RBFOX1: variants seen among roughly 807,000 people sequenced by gnomAD.
The protein encoded by RBFOX1 is RNA binding protein fox-1 homolog 1.
Under a neutral mutation model 57.7 loss-of-function variants are expected in RBFOX1, and 8 were observed. The ratio of observed to expected loss-of-function variants is 0.14; its 90% CI spans 0.08 to 0.25. The LOEUF (loss-of-function observed/expected upper bound fraction) is 0.25, where lower values mean the gene tolerates loss of function less well. Ranked by LOEUF, RBFOX1 falls within the 10% of genes least tolerant of loss-of-function variation. The pLI is 1.00. For synonymous variants in RBFOX1, 326 were observed against 222.4 expected (o/e 1.47, Z -4.15); for missense variants, 611 against 548.5 (o/e 1.11, Z -1.14).
At chr16:5,468,115 C>G (rs1310112379) in intron 2 of RBFOX1, among the ~76,000 whole-genome samples, 1 of 152,170 alleles carries the variant, frequency 6.6e-6, no homozygotes, top group Non-Finnish European at 1.5e-5. Flanking sequence ...CCACCCTTCC[C>G]CAGGTTCCTA....
Position 6,862,366 on chromosome 16 carries a change from A to G in RBFOX1, c.-15-189691A>G, listed in dbSNP as rs1344199854. ...AGGTTCCTGGAAGCACATTTTGAAC[A>G]CCAAGGCCCCAGAGCAGGTTCAATG... is the stretch of plus-strand genomic sequence containing the variant. On this transcript the variant is annotated intron_variant, in intron 3 of 15. Transcript: ENST00000550418. 3.3e-5 allele frequency among the ~76,000 whole-genome samples: 5 copies of G among 152,298 alleles called. No individual in the cohort carries two copies. The East Asian group carries it at 7.7e-4, about 24-fold the overall frequency.
chr16:7,337,715 C>T (rs1322835442), intron 4 of RBFOX1, among the ~76,000 whole-genome samples: 1 of 152,172 alleles, frequency 6.6e-6, no homozygotes, highest in Non-Finnish European at 1.5e-5. Context: ...GATGGAGTCT[C>T]ACTCTGTCAC....
At chr16:6,628,116 G>T (rs1384709609) in intron 2 of RBFOX1, among the ~76,000 whole-genome samples, 1 of 152,140 alleles carries the variant, frequency 6.6e-6, no homozygotes, top group African/African-American at 2.4e-5. Context: ...TTTCCACTTC[G>T]CAGTCCCCAA....
At chr16:6,089,346 C>G (rs1461121117) in intron 1 of RBFOX1, among the ~76,000 whole-genome samples, 4 of 151,928 alleles carry the variant, frequency 2.6e-5, no homozygotes, top group Admixed American at 2.6e-4. Context: ...CAGTTCTGGT[C>G]AGAGGAAACA....
At chr16:6,997,150 T>G (rs2092327628) in intron 3 of RBFOX1, among the ~76,000 whole-genome samples, 1 of 152,154 alleles carries the variant, frequency 6.6e-6, no homozygotes, top group Non-Finnish European at 1.5e-5. Context: ...TTGTCTTTTC[T>G]GTTAGCTGAA....
At chr16:6,680,514 C>T (rs529916696) in intron 3 of RBFOX1, among the ~76,000 whole-genome samples, 6 of 152,232 alleles carry the variant, frequency 3.9e-5, no homozygotes, top group East Asian at 3.9e-4. Context: ...CCGCCTGCCT[C>T]GGCCTCCCAA....
At chr16:6,707,593 A>G (rs531301254) in intron 3 of RBFOX1, among the ~76,000 whole-genome samples, 11 of 151,552 alleles carry the variant, frequency 7.3e-5, no homozygotes, top group East Asian at 2.0e-4. Context: ...TTGACAGTCA[A>G]TGGACATACT....
At chr16:5,715,059 T>C (rs2051640078) in intron 3 of RBFOX1, among the ~76,000 whole-genome samples, 1 of 152,218 alleles carries the variant, frequency 6.6e-6, no homozygotes, top group Non-Finnish European at 1.5e-5. Flanking sequence ...TTTTCCTGCT[T>C]CTCCAGTCTT....
At chr16:7,553,612 A>G (rs1567798280) in intron 5 of RBFOX1, among the ~76,000 whole-genome samples, 1 of 152,226 alleles carries the variant, frequency 6.6e-6, no homozygotes, top group East Asian at 1.9e-4. Context: ...AAGATCTGCA[A>G]GTGGCCAGTG....
intron 3 of RBFOX1, among the ~76,000 whole-genome samples, chr16:5,746,509 A>G (rs1449007109): frequency 6.6e-6 from 1 of 152,164 alleles, no homozygotes; most frequent in Non-Finnish European, 1.5e-5. Flanking sequence ...GATGGCATTG[A>G]ATCTATAAAT....
intron 3 of RBFOX1, among the ~76,000 whole-genome samples, chr16:5,862,239 C>T (rs560037682): frequency 9.8e-5 from 15 of 152,326 alleles, no homozygotes; most frequent in Admixed American, 2.0e-4. Flanking sequence ...AATGCTGCCA[C>T]GGATCCTCGT....
intron 2 of RBFOX1, among the ~76,000 whole-genome samples, chr16:6,642,252 A>G (rs972057938): frequency 6.6e-6 from 1 of 152,212 alleles, no homozygotes. Context: ...CTCGAGAAGT[A>G]TTCTTCTTAA....
intron 4 of RBFOX1, chr16:7,510,416 C>G (rs1016819372): frequency 1.4e-5 from 12 of 886,570 alleles, no homozygotes; most frequent in African/African-American, 9.1e-5. Flanking sequence ...TGACACGTAG[C>G]TTGCTGCTTG....
chr16:6,749,309 A>T (rs1484943970), intron 3 of RBFOX1, among the ~76,000 whole-genome samples: 1 of 152,138 alleles, frequency 6.6e-6, no homozygotes, highest in Non-Finnish European at 1.5e-5. Context: ...TAAATGAGAG[A>T]ACAGATGCAC....
At chr16:7,302,727 G>C (rs1461958306) in intron 4 of RBFOX1, among the ~76,000 whole-genome samples, 1 of 139,100 alleles carries the variant, frequency 7.2e-6, no homozygotes, top group Non-Finnish European at 1.5e-5. Context: ...TTGCTGCCAA[G>C]AATGCAAGAA....
chr16:7,229,436 A>G (rs971087358), intron 4 of RBFOX1, among the ~76,000 whole-genome samples: 25 of 152,138 alleles, frequency 1.6e-4, no homozygotes, highest in African/African-American at 6.0e-4. Context: ...CCTGTCATCT[A>G]TGTAGATGAT....
chr16:5,929,101 G>T (rs1567158737), intron 4 of RBFOX1, among the ~76,000 whole-genome samples: 2 of 151,952 alleles, frequency 1.3e-5, no homozygotes, highest in African/African-American at 4.8e-5. Flanking sequence ...TGGCTTGGGT[G>T]ATTGAAAATG....
At chr16:6,671,753 C>G (rs532167744) in intron 3 of RBFOX1, among the ~76,000 whole-genome samples, 1 of 152,278 alleles carries the variant, frequency 6.6e-6, no homozygotes, top group Non-Finnish European at 1.5e-5. Flanking sequence ...ATTAGAATAA[C>G]AGTTTCCAGT....
At chr16:5,300,501 C>G (rs1376985826) in intron 1 of RBFOX1, among the ~76,000 whole-genome samples, 2 of 152,230 alleles carry the variant, frequency 1.3e-5, no homozygotes, top group South Asian at 2.1e-4. Context: ...TCCCCAAAAA[C>G]CAGCTGAGAT....
Sources: gnomAD v4.1 joint callset for allele counts (sites outside exome capture counted in the v4.1 genomes callset) on GRCh38, gnomAD v4.1.1 for gene constraint, MANE v1.5 for transcripts, NCBI Gene and HGNC (gene_info 2026-07-23, HGNC 2026-07-21) for gene names.